Variants in SASH1 observed in about 807,000 individuals in gnomAD.
The protein encoded by SASH1 is SAM and SH3 domain-containing protein 1.
Under a neutral mutation model 125.2 loss-of-function variants are expected in SASH1, and 44 were observed. The observed-to-expected ratio is 0.35, with a 90% CI of 0.28 to 0.45. The LOEUF (loss-of-function observed/expected upper bound fraction) is 0.45. Among genes scored for constraint, SASH1 ranks in the 20% least tolerant of loss-of-function variants. The pLI, the probability that SASH1 is intolerant of heterozygous loss-of-function variation, is 1.00. For synonymous variants in SASH1, 639 were observed against 649.1 expected, an observed-to-expected ratio of 0.98 and a Z score of 0.24; for missense variants, 1,426 against 1,614.5, an observed-to-expected ratio of 0.88 and a Z score of 2.00.
At chr6:148,345,780 A>G (rs1466513537) in intron 1 of SASH1, among the ~76,000 whole-genome samples, 3 of 152,198 alleles carry the variant, frequency 2.0e-5, no homozygotes, top group East Asian at 1.9e-4. Flanking sequence ...GACTTGGCCA[A>G]TGGCACATAC....
At chr6:148,341,820 T>C (rs891932065), upstream of SASH1, among the ~76,000 whole-genome samples, 2 of 152,182 alleles carry the variant, frequency 1.3e-5, no homozygotes, top group African/African-American at 4.8e-5. Context: ...GCAAACTCCA[T>C]GTGGTTTCTT....
chr6:148,530,508 A>T (rs1781450463), intron 12 of SASH1, among the ~76,000 whole-genome samples: 1 of 152,100 alleles, frequency 6.6e-6, no homozygotes, highest in South Asian at 2.1e-4. Flanking sequence ...TCACATTGAA[A>T]GCACTAATGT....
chr6:148,376,899 G>T (rs1047258059), intron 1 of SASH1, among the ~76,000 whole-genome samples: 1 of 151,660 alleles, frequency 6.6e-6, no homozygotes, highest in Non-Finnish European at 1.5e-5. Flanking sequence ...GGCCGGGCGC[G>T]GTGGCTCACG....
In SASH1 at chr6:148,390,613, C is replaced by T. The variant is rs199968996; in HGVS notation, c.285+351C>T. Among the ~76,000 whole-genome samples the T allele has an allele frequency of 3.3e-5, 5 of 152,116 alleles. No homozygotes were observed. The East Asian group carries it at 7.7e-4, about 24-fold the overall frequency. On this transcript the variant is annotated intron_variant, in intron 2 of 19. Coordinates refer to ENST00000367467, the MANE Select transcript of SASH1 (RefSeq NM_015278.5). The stretch of plus-strand genomic sequence containing the variant: ...CATCCTCGCTAACACGGTGAAACCC[C>T]GTCTCTACTAAAAATAGAAAAAAAA...
chr6:148,247,163 C>G, the SASH1 span, among the ~76,000 whole-genome samples: 8 of 152,242 alleles, frequency 5.3e-5, no homozygotes, highest in South Asian at 1.7e-3. Flanking sequence ...GAAGTGAATT[C>G]CCATTGGCCA....
At chr6:148,531,755 A>T in intron 13 of SASH1, 94 bp downstream of exon 13, 1 of 1,056,352 alleles carries the variant, frequency 9.5e-7, no homozygotes, top group African/African-American at 1.6e-5. Context: ...GGTGAATAAG[A>T]CCAAGTCCTG....
chr6:148,468,610 C>T lies in SASH1; in HGVS notation c.427+25C>T, dbSNP rs781002537. ...GGTCAGTACCACTTTTCTTGGTTTA[C>T]CTATTTAATTATTTCAATACTTTAT... On this transcript the variant is annotated intron_variant, in intron 5 of 19. Transcript: ENST00000367467. The T allele has an allele frequency of 6.7e-6, 10 of 1,499,768 alleles. No individual in the cohort carries two copies. In the East Asian group the frequency reaches 2.3e-4, roughly 34 times the overall value. The allele number at this position is 1,499,768 out of a possible 1,614,324, so 92.9% of individuals were successfully genotyped here.
chr6:148,235,886 G>T, the SASH1 span, among the ~76,000 whole-genome samples: 2 of 152,130 alleles, frequency 1.3e-5, no homozygotes, highest in Non-Finnish European at 2.9e-5. Context: ...ACCTTATCGT[G>T]TCTCTCACTA....
intron 9 of SASH1, among the ~76,000 whole-genome samples, chr6:148,517,625 AGAT>A (rs1780518120): frequency 6.6e-6 from 1 of 152,200 alleles, no homozygotes; most frequent in Non-Finnish European, 1.5e-5. Flanking sequence ...CAGCACCGGC[AGAT>A]GCAGCCTCCT....
In SASH1 at chr6:148,544,608, G is replaced by A; in HGVS notation, c.3138G>A (p.Gly1046=). The change falls in exon 18 of 20, where the codon GGG becomes GGA. Residue 1046 remains glycine (G), a synonymous_variant. Transcript: ENST00000367467. This position sits in a 1 kb window ranked among gnomAD's most constrained non-coding sequence, Gnocchi z 6.4. ...PPALAPRPLS[G]QAPGSPPSTR... ...CACTGGCTCCCAGGCCTCTCTCAGG[G>A]CAGGCGCCTGGCAGCCCACCAAGCA... 3.1e-6 allele frequency: 5 copies of A among 1,613,196 alleles called. No homozygotes were observed. Among genetic ancestry groups the A allele is most frequent in the Non-Finnish European group, 4.2e-6 (5 of 1,179,868 alleles).
chr6:148,528,073 T>C (rs2115388740), intron 12 of SASH1, among the ~76,000 whole-genome samples: 1 of 152,072 alleles, frequency 6.6e-6, no homozygotes, highest in Admixed American at 6.6e-5. Context: ...AAACTCAAAG[T>C]TCTTCCTGGG....
chr6:148,343,158 C>A lies in SASH1; in HGVS notation c.91C>A (p.Pro31Thr). The part of the protein sequence containing the change: ...PEPAPEPEPE[P>T]KPGAGTSEAF... ...GCCCGCGCCGGAGCCGGAACCGGAG[C>A]CCAAGCCGGGTGCTGGCACATCCGA... The change falls in exon 1 of 20, where the codon CCC becomes ACC. Residue 31 changes from proline (P) to threonine (T), a missense_variant. This residue lies in a region of SASH1 where 567 missense variants were observed against 575.6 expected (regional missense o/e 0.99). Coordinates refer to ENST00000367467, the MANE Select transcript of SASH1 (RefSeq NM_015278.5). 6.3e-7 allele frequency: 1 copy of A among 1,599,950 alleles called. No individual in the cohort carries two copies.
At chr6:148,309,058 T>C (rs1274521480) in intron 1 of SASH1, among the ~76,000 whole-genome samples, 1 of 134,678 alleles carries the variant, frequency 7.4e-6, no homozygotes, top group Non-Finnish European at 1.5e-5. Flanking sequence ...CACTCCAATT[T>C]GGGTGACAGA....
intron 2 of SASH1, among the ~76,000 whole-genome samples, chr6:148,409,740 T>C (rs66606439): frequency 0.53 from 80,562 of 151,956 alleles, 21,509 homozygotes; most frequent in East Asian, 0.6. Context: ...TCGAGACCAG[T>C]CTGGCCAACA....
intron 1 of SASH1, chr6:148,280,548 G>A (rs1289549240): frequency 6.6e-6 from 1 of 152,312 alleles, no homozygotes; most frequent in Non-Finnish European, 1.5e-5. Context: ...GAGGATCTAA[G>A]GACCCTCACA....
rs1782848093 is a variant in SASH1 at position 148,550,992 on chromosome 6, T to G, written c.*2434T>G. The G allele has an allele frequency of 6.6e-6, 1 of 152,648 alleles. No individual in the cohort carries two copies. Among genetic ancestry groups the G allele is most frequent in the South Asian group, 2.1e-4 (1 of 4,830 alleles). The allele number at this position is 152,648 out of a possible 1,614,324, so 9.5% of individuals were successfully genotyped here. A position where few individuals can be genotyped will look rare whatever the true frequency, so the allele number is the denominator to read the frequency against. ...GAGTTTTTGAGAATGCCAAACCACATTTTTATCACACTTCTTTGGAAATCA... is the reference window on the plus strand; with the variant it reads ...GAGTTTTTGAGAATGCCAAACCACAGTTTTATCACACTTCTTTGGAAATCA... On this transcript the variant is annotated 3_prime_UTR_variant, in exon 20 of 20. Coordinates refer to ENST00000367467, the MANE Select transcript of SASH1 (RefSeq NM_015278.5).
chr6:148,457,271 G>A (rs796283960), intron 4 of SASH1, among the ~76,000 whole-genome samples: 10 of 150,930 alleles, frequency 6.6e-5, no homozygotes, highest in African/African-American at 2.0e-4. Context: ...TCCAGGGGCA[G>A]CATTACAAAC....
chr6:148,387,686 T>TCTC (rs1783524120), intron 1 of SASH1, among the ~76,000 whole-genome samples: 1 of 125,998 alleles, frequency 7.9e-6, no homozygotes, highest in East Asian at 2.2e-4. Context: ...CTTTCTTTCT[T>TCTC]TCTTTCGGCA....
chr6:148,403,486 T>C (rs1348742919), intron 2 of SASH1, among the ~76,000 whole-genome samples: 1 of 152,124 alleles, frequency 6.6e-6, no homozygotes, highest in East Asian at 1.9e-4. Context: ...AATTGTAACG[T>C]CTCTTAATAC....
Sources: gnomAD v4.1 joint callset for allele counts (sites outside exome capture counted in the v4.1 genomes callset) on GRCh38, gnomAD v4.1.1 for gene constraint, gnomAD v4.1.1 regional missense constraint, Gnocchi (gnomAD v3.1) non-coding constraint, MANE v1.5 for transcripts, NCBI Gene and HGNC (gene_info 2026-07-23, HGNC 2026-07-21) for gene names.